The following CTNND2 variants were observed in gnomAD, a reference collection of about 807,000 sequenced individuals.
CTNND2 encodes the protein catenin delta-2.
A neutral mutation model predicts 144.4 loss-of-function variants in CTNND2; 22 were observed. The observed-to-expected ratio is 0.15, with a 90% CI of 0.11 to 0.22. The LOEUF (loss-of-function observed/expected upper bound fraction) is 0.22. Ranked by LOEUF, CTNND2 falls within the 10% of genes least tolerant of loss-of-function variation. The pLI is 1.00. For synonymous variants in CTNND2, 751 were observed against 695.6 expected (o/e 1.08, Z -1.25); for missense variants, 1,353 against 1,618.8 (o/e 0.84, Z 2.82).
intron 9 of CTNND2, among the ~76,000 whole-genome samples, chr5:11,322,525 A>C (rs1370694506): frequency 1.3e-5 from 2 of 152,204 alleles, no homozygotes; most frequent in Non-Finnish European, 2.9e-5. Flanking sequence ...ATTTCACTCT[A>C]TATATAAAAG....
chr5:11,585,553 T>C (rs1038000769), intron 2 of CTNND2, among the ~76,000 whole-genome samples: 1 of 151,962 alleles, frequency 6.6e-6, no homozygotes, highest in Admixed American at 6.6e-5. Context: ...GTTCAGTAAA[T>C]ACACCAGGCA....
intron 10 of CTNND2, among the ~76,000 whole-genome samples, chr5:11,215,153 GGAACGTCTGTCTGTCA>G (rs1739042665): frequency 1.3e-5 from 2 of 152,136 alleles, no homozygotes; most frequent in African/African-American, 4.8e-5. Flanking sequence ...ATGTCTGATT[GGAACGTCTGTCTGTCA>G]GGAGAAGTAT....
At chr5:11,632,608 AAAC>A (rs1280067172) in intron 2 of CTNND2, among the ~76,000 whole-genome samples, 2 of 152,132 alleles carry the variant, frequency 1.3e-5, no homozygotes, top group African/African-American at 4.8e-5. Flanking sequence ...TATAAAGGAA[AAAC>A]AACAACAACA....
chr5:11,061,594 T>C (rs1444866573), intron 16 of CTNND2, among the ~76,000 whole-genome samples: 2 of 152,208 alleles, frequency 1.3e-5, no homozygotes, highest in Admixed American at 6.5e-5. Flanking sequence ...TCTTAGGATT[T>C]ACCTCTTCAT....
chr5:11,237,241 G>A (rs537606254), intron 9 of CTNND2, among the ~76,000 whole-genome samples: 7 of 152,066 alleles, frequency 4.6e-5, no homozygotes, highest in Admixed American at 1.3e-4. Context: ...GGATGATCTC[G>A]ATCTCCTGAC....
At chr5:11,526,912 GAA>G (rs58647040) in intron 3 of CTNND2, among the ~76,000 whole-genome samples, 55 of 151,752 alleles carry the variant, frequency 3.6e-4, no homozygotes, top group Non-Finnish European at 6.5e-4. Flanking sequence ...AAGTGAAAAA[GAA>G]AATAAAATTC....
intron 7 of CTNND2, among the ~76,000 whole-genome samples, chr5:11,383,174 G>A (rs1487264859): frequency 6.6e-6 from 1 of 152,072 alleles, no homozygotes; most frequent in Non-Finnish European, 1.5e-5. Flanking sequence ...TTTCTTTCAT[G>A]AGGTAAGTGT....
chr5:11,333,983 C>CT (rs1753473145), intron 9 of CTNND2, among the ~76,000 whole-genome samples: 1 of 152,170 alleles, frequency 6.6e-6, no homozygotes, highest in Non-Finnish European at 1.5e-5. Flanking sequence ...CACTTTATTA[C>CT]TTTAATTCTA....
chr5:11,722,368 A>T (rs553731167), intron 2 of CTNND2, among the ~76,000 whole-genome samples: 9 of 152,310 alleles, frequency 5.9e-5, no homozygotes, highest in Middle Eastern at 3.4e-3. Flanking sequence ...ACACAGTTGC[A>T]GGTAAGTATG....
chr5:11,223,429 C>G (rs1740002327), intron 10 of CTNND2, among the ~76,000 whole-genome samples: 1 of 152,208 alleles, frequency 6.6e-6, no homozygotes, highest in African/African-American at 2.4e-5. Flanking sequence ...CTTGCTGCCT[C>G]CTACAAACTT....
At chr5:11,272,237 C>T (rs916253107) in intron 9 of CTNND2, among the ~76,000 whole-genome samples, 4 of 152,056 alleles carry the variant, frequency 2.6e-5, no homozygotes, top group South Asian at 2.1e-4. Flanking sequence ...TTCATCTGAT[C>T]GCTCACCATC....
chr5:11,444,483 TAAGG>T (rs1471497748), intron 3 of CTNND2, among the ~76,000 whole-genome samples: 1 of 151,754 alleles, frequency 6.6e-6, no homozygotes, highest in Non-Finnish European at 1.5e-5. Flanking sequence ...AATGCAAAAA[TAAGG>T]AAGTATAAGA....
intron 3 of CTNND2, among the ~76,000 whole-genome samples, chr5:11,562,369 G>A (rs1776753572): frequency 6.6e-6 from 1 of 152,012 alleles, no homozygotes; most frequent in African/African-American, 2.4e-5. Context: ...CACCTTTAAT[G>A]AAAACTTGAA....
intron 3 of CTNND2, among the ~76,000 whole-genome samples, chr5:11,431,742 T>A (rs1193364654): frequency 6.6e-6 from 1 of 152,082 alleles, no homozygotes; most frequent in Non-Finnish European, 1.5e-5. Context: ...GCCTCAGTTA[T>A]TGCCATATGG....
intron 3 of CTNND2, among the ~76,000 whole-genome samples, chr5:11,522,967 T>C (rs147487228): frequency 1.3e-5 from 2 of 152,370 alleles, no homozygotes; most frequent in African/African-American, 2.4e-5. Context: ...ACTTTCAGCA[T>C]ATATTCTCCA....
chr5:11,780,461 A>C (rs1790486188), intron 1 of CTNND2, among the ~76,000 whole-genome samples: 1 of 152,130 alleles, frequency 6.6e-6, no homozygotes, highest in Non-Finnish European at 1.5e-5. Flanking sequence ...GCTCCCAGCA[A>C]ACTTTGCCCA....
At chr5:11,460,926 G>C (rs1437026579) in intron 3 of CTNND2, among the ~76,000 whole-genome samples, 2 of 152,072 alleles carry the variant, frequency 1.3e-5, no homozygotes, top group Non-Finnish European at 2.9e-5. Flanking sequence ...GCATGCGTCT[G>C]TAATCCCAGC....
At chr5:11,815,720 T>C (rs1438107996) in intron 1 of CTNND2, among the ~76,000 whole-genome samples, 2 of 152,112 alleles carry the variant, frequency 1.3e-5, no homozygotes, top group Non-Finnish European at 2.9e-5. Flanking sequence ...AGGGTTCTTG[T>C]TGTGTAAGCA....
chr5:11,218,790 T>C (rs1182564836), intron 10 of CTNND2, among the ~76,000 whole-genome samples: 1 of 152,226 alleles, frequency 6.6e-6, no homozygotes, highest in Non-Finnish European at 1.5e-5. Context: ...GACCAGCCTC[T>C]GTGACATCCT....
Sources: allele counts gnomAD v4.1 joint callset (sites outside exome capture counted in the v4.1 genomes callset), GRCh38; gene constraint gnomAD v4.1.1; transcripts MANE v1.5; gene names NCBI Gene and HGNC (gene_info 2026-07-23, HGNC 2026-07-21).